The following COL22A1 variants were observed in gnomAD, a reference collection of about 807,000 sequenced individuals.
COL22A1 encodes the protein collagen alpha-1(XXII) chain.
Under a neutral mutation model 248.9 loss-of-function variants are expected in COL22A1, and 221 were observed. The ratio of observed to expected loss-of-function variants is 0.89; its 90% CI spans 0.80 to 0.99. The LOEUF is 0.99. COL22A1 is among the 50% of genes least tolerant of loss of function. The pLI is 0.00. For missense variants in COL22A1, 2,240 were observed against 2,179.0 expected (o/e 1.03, Z -0.56); for synonymous variants, 891 against 793.4 (o/e 1.12, Z -2.07).
chr8:138,778,777 C>T (rs1019206753), intron 14 of COL22A1, among the ~76,000 whole-genome samples: 2 of 152,186 alleles, frequency 1.3e-5, no homozygotes, highest in Admixed American at 6.5e-5. Flanking sequence ...TTCATAGCTT[C>T]TGAAACATTA....
intron 12 of COL22A1, among the ~76,000 whole-genome samples, chr8:138,783,227 T>C (rs1272007624): frequency 6.6e-6 from 1 of 152,126 alleles, no homozygotes; most frequent in Non-Finnish European, 1.5e-5. Context: ...GAATCTCAGT[T>C]TAATTTTCTA....
intron 62 of COL22A1, 112 bp from the exon 63 acceptor site, chr8:138,594,311 G>A (rs576957094): frequency 1.4e-5 from 12 of 832,232 alleles, no homozygotes; most frequent in East Asian, 1.2e-4. Context: ...CTGCAGAAAC[G>A]GACATAGGAC....
chr8:138,685,074 C>A (rs2130856265), intron 38 of COL22A1, 134 bp downstream of exon 38: 1 of 679,480 alleles, frequency 1.5e-6, no homozygotes, highest in East Asian at 2.7e-5. Context: ...AGCCTGAACC[C>A]CTTTCCCAAC....
intron 18 of COL22A1, among the ~76,000 whole-genome samples, chr8:138,756,616 C>T (rs7831232): frequency 0.86 from 131,016 of 152,160 alleles, 56,560 homozygotes; most frequent in East Asian, 1. Context: ...ATGGGAAACA[C>T]TTAAAACCTG....
In COL22A1 at chr8:138,615,530, CAA is replaced by C. The variant is rs11329956; in HGVS notation, c.3924+469_3924+470del. 3.2e-3 allele frequency among the ~76,000 whole-genome samples: 384 copies of C among 120,264 alleles called. 1 individual carries two copies. The highest frequency in any genetic ancestry group is 0.017 in the Middle Eastern group (4 of 232). The allele number at this position is 120,264 out of a possible 152,430, so 78.9% of individuals were successfully genotyped here. On this transcript the variant is annotated intron_variant, in intron 55 of 64. Transcript: ENST00000303045. The stretch of plus-strand genomic sequence containing the variant: ...TGGGCGACGGAGTGAGACTCCATCT[CAA>C]AAAAAAAAAAAAAAAATTTTTTTTT...
intron 7 of COL22A1, among the ~76,000 whole-genome samples, chr8:138,813,887 C>A (rs1242179317): frequency 6.6e-6 from 1 of 152,252 alleles, no homozygotes; most frequent in African/African-American, 2.4e-5. Context: ...TCCCTATTTT[C>A]AACCTCTCCA....
chr8:138,847,030 G>T (rs770879060), intron 3 of COL22A1, among the ~76,000 whole-genome samples: 1 of 152,166 alleles, frequency 6.6e-6, no homozygotes, highest in African/African-American at 2.4e-5. Context: ...AACCCCAGGG[G>T]CTTGTTTCCA....
intron 11 of COL22A1, among the ~76,000 whole-genome samples, chr8:138,799,800 C>A (rs1816848891): frequency 6.6e-6 from 1 of 152,166 alleles, no homozygotes; most frequent in African/African-American, 2.4e-5. Flanking sequence ...GTCCCCTTTG[C>A]ATGGGTAGCT....
chr8:138,682,143 A>T (rs1179610252), intron 39 of COL22A1, among the ~76,000 whole-genome samples: 1 of 152,214 alleles, frequency 6.6e-6, no homozygotes, highest in Non-Finnish European at 1.5e-5. Flanking sequence ...GAAAGAAATA[A>T]ATAAAAAGGG....
At chr8:138,811,272 T>TACACAC (rs10566309) in intron 9 of COL22A1, among the ~76,000 whole-genome samples, 1 of 148,650 alleles carries the variant, frequency 6.7e-6, no homozygotes, top group African/African-American at 2.5e-5. Context: ...TATATATATA[T>TACACAC]ACACACACAC....
intron 5 of COL22A1, among the ~76,000 whole-genome samples, chr8:138,830,981 C>G (rs1344870821): frequency 6.6e-6 from 1 of 152,158 alleles, no homozygotes; most frequent in Admixed American, 6.5e-5. Flanking sequence ...ACCTCATTGT[C>G]TGGGAAAATG....
At chr8:138,664,121 A>G (rs1824228977) in intron 41 of COL22A1, among the ~76,000 whole-genome samples, 1 of 150,526 alleles carries the variant, frequency 6.6e-6, no homozygotes, top group Non-Finnish European at 1.5e-5. Flanking sequence ...CGGGCATGAT[A>G]ACGACCACAT....
At chr8:138,894,574 T>A (rs900742684) in intron 1 of COL22A1, among the ~76,000 whole-genome samples, 6 of 151,958 alleles carry the variant, frequency 3.9e-5, no homozygotes, top group Admixed American at 6.6e-5. Context: ...GAAGGAGAGA[T>A]CAAAGGCAGA....
chr8:138,776,619 C>T (rs781170685), intron 15 of COL22A1, among the ~76,000 whole-genome samples: 1 of 151,986 alleles, frequency 6.6e-6, no homozygotes, highest in Non-Finnish European at 1.5e-5. Context: ...AACATGATCC[C>T]CCTGCTTCCC....
At chr8:138,716,963 G>A in intron 27 of COL22A1, 94 bp from the exon 28 acceptor site, 1 of 931,626 alleles carries the variant, frequency 1.1e-6, no homozygotes, top group Non-Finnish European at 1.8e-6. Flanking sequence ...CATAGCACCT[G>A]CCAGCCACAA....
intron 31 of COL22A1, 30 bp downstream of exon 31, chr8:138,703,276 G>A (rs760150869): frequency 6.3e-7 from 1 of 1,597,282 alleles, no homozygotes; most frequent in Non-Finnish European, 8.6e-7. Flanking sequence ...GGAATTCAGA[G>A]GAGAAAGAAT....
intron 11 of COL22A1, 100 bp downstream of exon 11, chr8:138,802,772 G>T: frequency 2.2e-6 from 2 of 905,864 alleles, no homozygotes; most frequent in Non-Finnish European, 1.9e-6. Context: ...CCCCTGCCAG[G>T]TATTCAGCCC....
chr8:138,840,054 C>A (rs1452897095), intron 4 of COL22A1, among the ~76,000 whole-genome samples: 1 of 152,080 alleles, frequency 6.6e-6, no homozygotes, highest in African/African-American at 2.4e-5. Context: ...CCAGACCCAG[C>A]CCAGATATGC....
intron 1 of COL22A1, among the ~76,000 whole-genome samples, chr8:138,911,604 G>A (rs1267816537): frequency 6.6e-6 from 1 of 152,200 alleles, no homozygotes; most frequent in Non-Finnish European, 1.5e-5. Context: ...GCCTTGCAGG[G>A]ATTCCAGCCA....
Sources: allele counts gnomAD v4.1 joint callset (sites outside exome capture counted in the v4.1 genomes callset), GRCh38; gene constraint gnomAD v4.1.1; transcripts MANE v1.5; gene names NCBI Gene and HGNC (gene_info 2026-07-23, HGNC 2026-07-21).